TP53BP2: variants seen among roughly 807,000 people sequenced by gnomAD.
The protein encoded by TP53BP2 is apoptosis-stimulating of p53 protein 2.
TP53BP2 carries 62 observed loss-of-function variants against 126.2 expected under a neutral mutation model. The observed-to-expected ratio is 0.49, with a 90% confidence interval of 0.40 to 0.61. TP53BP2 has a LOEUF of 0.61. Among genes scored for constraint, TP53BP2 ranks in the 20% least tolerant of loss-of-function variants. TP53BP2 has a pLI of 0.00. For missense variants in TP53BP2, 1,215 were observed against 1,402.8 expected (o/e 0.87, Z 2.14); for synonymous variants, 485 against 502.9 (o/e 0.96, Z 0.48).
Position 223,814,284 on chromosome 1 carries a change from A to C in TP53BP2, c.245T>G (p.Val82Gly). 1.2e-6 allele frequency: 2 copies of C among 1,613,976 alleles called. No homozygotes were observed. Among genetic ancestry groups the C allele is most frequent in the Non-Finnish European group, 1.7e-6 (2 of 1,179,838 alleles). Residue 82 changes from valine (V) to glycine (G), a missense_variant, in exon 3 of 18, where the codon GTT (valine) becomes GGT (glycine). Physicochemically the swap from Val to Gly is moderately radical, Grantham distance 109. Transcript: ENST00000343537. ...LQRFGSQRNE[V>G]RFFLRHERPP... ...GCGTTCATGACGAAGGAAGAAGCGAACTTCGTTCCTCTGACTTCCAAATCG... is the reference window on the plus strand; with the variant it reads ...GCGTTCATGACGAAGGAAGAAGCGACCTTCGTTCCTCTGACTTCCAAATCG...
intron 15 of TP53BP2, among the ~76,000 whole-genome samples, chr1:223,792,166 A>G (rs1320225989): frequency 6.6e-6 from 1 of 152,182 alleles, no homozygotes; most frequent in Non-Finnish European, 1.5e-5. Context: ...ATTAACTACT[A>G]AACTTTTTAA....
At chr1:223,828,290 G>A (rs1300452013) in intron 1 of TP53BP2, among the ~76,000 whole-genome samples, 1 of 152,084 alleles carries the variant, frequency 6.6e-6, no homozygotes, top group Non-Finnish European at 1.5e-5. Flanking sequence ...CACATCTACA[G>A]GCACAGAAAA....
At chr1:223,792,614 A>G in intron 14 of TP53BP2, 92 bp from the exon 15 acceptor site, 1 of 1,310,858 alleles carries the variant, frequency 7.6e-7, no homozygotes, top group East Asian at 2.3e-5. Context: ...GAGGACAGAA[A>G]TGGACTCTTG....
rs181493815 is a variant in TP53BP2, at chr1:223,790,464, G to A, written c.2997-1290C>T. 5.1e-4 allele frequency among the ~76,000 whole-genome samples: 78 copies of A among 152,038 alleles called. 1 individual carries two copies. The East Asian group carries it at 0.013, about 26-fold the overall frequency. On this transcript the variant is annotated intron_variant, in intron 15 of 17. Coordinates refer to ENST00000343537, the MANE Select transcript of TP53BP2 (RefSeq NM_001031685.3). Reference sequence around the variant, plus strand: ...TCCTAGCTACTTGGGAGGCTGAGACGGGAGGCTGCTTCAGCCCAGAGGGCA... The same window carrying A: ...TCCTAGCTACTTGGGAGGCTGAGACAGGAGGCTGCTTCAGCCCAGAGGGCA...
intron 2 of TP53BP2, among the ~76,000 whole-genome samples, chr1:223,815,963 T>C (rs997449908): frequency 6.6e-6 from 1 of 152,182 alleles, no homozygotes; most frequent in African/African-American, 2.4e-5. Context: ...TCTATGATGT[T>C]CACACAACAA....
chr1:223,806,395 G>C (rs1662718001), intron 5 of TP53BP2, among the ~76,000 whole-genome samples: 2 of 152,168 alleles, frequency 1.3e-5, no homozygotes, highest in Non-Finnish European at 2.9e-5. Context: ...AGAGCACAAA[G>C]AGAGCACCAA....
chr1:223,803,690 T>A (rs1435054865), intron 6 of TP53BP2, among the ~76,000 whole-genome samples: 2 of 152,200 alleles, frequency 1.3e-5, no homozygotes, highest in African/African-American at 4.8e-5. Context: ...ATTATTAAAC[T>A]CCAAATTTTA....
At chr1:223,839,845 G>C (rs1385535759) in intron 1 of TP53BP2, among the ~76,000 whole-genome samples, 1 of 152,130 alleles carries the variant, frequency 6.6e-6, no homozygotes, top group Non-Finnish European at 1.5e-5. Context: ...TGCTGCTAGA[G>C]AATCACTTGA....
rs1439187058 is a variant in TP53BP2 at position 223,845,264 on chromosome 1, G to C, written c.27+390C>G. The stretch of plus-strand genomic sequence containing the variant: ...TTCCAGTAACGTATGTTTCACTCCA[G>C]TAAAAAGTAAAAAGACACAGCAAAG... On this transcript the variant is annotated intron_variant, in intron 1 of 17. Transcript: ENST00000343537. The C allele has an allele frequency of 3.0e-6, 3 of 984,920 alleles. No homozygotes were observed. In the East Asian group the frequency reaches 3.4e-4, roughly 112 times the overall value. 61.0% of individuals were successfully genotyped at this position (984,920 alleles called of 1,614,324 possible).
chr1:223,795,665 A>G, intron 13 of TP53BP2, 150 bp downstream of exon 13: 1 of 627,248 alleles, frequency 1.6e-6, no homozygotes, highest in South Asian at 5.4e-5. Context: ...TATTGAATAA[A>G]CTGCATTATG....
At chr1:223,788,902 A>C (rs1662059578) in intron 16 of TP53BP2, 106 bp downstream of exon 16, 1 of 1,216,074 alleles carries the variant, frequency 8.2e-7, no homozygotes, top group Non-Finnish European at 1.2e-6. Context: ...AAGACTATGG[A>C]TAACACAAGA....
chr1:223,842,261 C>G (rs893367203), intron 1 of TP53BP2, among the ~76,000 whole-genome samples: 1 of 152,180 alleles, frequency 6.6e-6, no homozygotes, highest in African/African-American at 2.4e-5. Flanking sequence ...TTAAAACCAT[C>G]TATATAAGGG....
In TP53BP2 at chr1:223,845,862, C is replaced by A. The variant is rs1269249946; in HGVS notation, c.-182G>T. On this transcript the variant is annotated 5_prime_UTR_variant, in exon 1 of 18. Transcript: ENST00000343537. Reference sequence around the variant, plus strand: ...GGCTGGGGCACCAACAAGCCCCGGGCTCCCCCGCCCCGGCCGGGCCCCCTG... The same window carrying A: ...GGCTGGGGCACCAACAAGCCCCGGGATCCCCCGCCCCGGCCGGGCCCCCTG... 2.7e-6 allele frequency: 1 copy of A among 370,394 alleles called. No homozygotes were observed. The highest frequency in any genetic ancestry group is 4.5e-6 in the Non-Finnish European group (1 of 221,842). The allele number at this position is 370,394 out of a possible 1,614,324, so 22.9% of individuals were successfully genotyped here. A position where few individuals can be genotyped will look rare whatever the true frequency, so the allele number is the denominator to read the frequency against.
intron 5 of TP53BP2, 44 bp downstream of exon 5, chr1:223,806,802 C>G (rs773813230): frequency 4.6e-6 from 7 of 1,517,108 alleles, no homozygotes; most frequent in Non-Finnish European, 6.4e-6. Flanking sequence ...CCAGCCTAGG[C>G]GACAGAGTGA....
At position 223,845,742 on chromosome 1, in the gene TP53BP2, C is replaced by T. The variant is rs1262777356; in HGVS notation, c.-62G>A. 16 of 1,454,112 alleles carry T rather than the reference C, an allele frequency of 1.1e-5. No individual in the cohort carries two copies. Among genetic ancestry groups the T allele is most frequent in the South Asian group, 1.1e-4 (8 of 73,484 alleles). The allele number at this position is 1,454,112 out of a possible 1,614,324, so 90.1% of individuals were successfully genotyped here. ...GAGGTGCCCCGGAGGGTCGCGGATG[C>T]GGGGGAGGGGAGCGGAGAGCGAGGC... is the stretch of plus-strand genomic sequence containing the variant. On this transcript the variant is annotated 5_prime_UTR_variant, in exon 1 of 18. Coordinates refer to ENST00000343537, the MANE Select transcript of TP53BP2 (RefSeq NM_001031685.3).
intron 9 of TP53BP2, 168 bp downstream of exon 9, chr1:223,801,948 G>A (rs1371530057): frequency 1.7e-6 from 1 of 574,596 alleles, no homozygotes; most frequent in Non-Finnish European, 3.0e-6. Context: ...GTACAACCAG[G>A]GTATCAATTT....
chr1:223,795,816 G>A lies in TP53BP2; in HGVS notation c.2723C>T (p.Pro908Leu), dbSNP rs777766664. ...GCTATGAGATAGTACATTACTTACAGGAGGCAGAGAGACCTGCCCGGTGAT... is the reference window on the plus strand; with the variant it reads ...GCTATGAGATAGTACATTACTTACAAGAGGCAGAGAGACCTGCCCGGTGAT... ...PEITGQVSLP[P>L]GKRTNLRKTG... The change falls in exon 13 of 18, where the codon CCT becomes CTT. Residue 908 changes from proline to leucine, a missense_variant and splice_region_variant. Physicochemically the swap from Pro to Leu is moderately conservative, Grantham distance 98 (BLOSUM62 -3). Coordinates refer to ENST00000343537, the MANE Select transcript of TP53BP2 (RefSeq NM_001031685.3). The A allele has an allele frequency of 3.9e-6, 6 of 1,530,278 alleles. No homozygotes were observed. The East Asian group carries it at 9.1e-5, about 23-fold the overall frequency. The allele number at this position is 1,530,278 out of a possible 1,614,324, so 94.8% of individuals were successfully genotyped here.
chr1:223,800,002 C>T lies in TP53BP2; in HGVS notation c.1382G>A (p.Arg461His), dbSNP rs762131208. Residue 461 changes from arginine (R) to histidine (H), a missense_variant, in exon 11 of 18, where the codon CGT becomes CAT. Physicochemically the swap from Arg to His is conservative, Grantham distance 29. Coordinates refer to ENST00000343537, the MANE Select transcript of TP53BP2 (RefSeq NM_001031685.3). ...TACTGCATCAAACATTGAGAACGGA[C>T]GCACTTTCTTCTCTTTCTCCCTCAG... ...VPLREKEKKV[R>H]PFSMFDAVDQ... 5.0e-6 allele frequency: 8 copies of T among 1,612,058 alleles called. No homozygotes were observed. The highest frequency in any genetic ancestry group is 4.5e-5 in the East Asian group (2 of 44,818).
chr1:223,825,054 C>CACACACACACACACACACACACACACACA (rs1553262580), intron 1 of TP53BP2, among the ~76,000 whole-genome samples: 3 of 151,110 alleles, frequency 2.0e-5, no homozygotes, highest in African/African-American at 7.3e-5. Flanking sequence ...CACACACACA[C>CACACACACACACACACACACACACACACA]CCTAGCCCAT....
Sources: gnomAD v4.1 joint callset for allele counts (sites outside exome capture counted in the v4.1 genomes callset) on GRCh38, gnomAD v4.1.1 for gene constraint, MANE v1.5 for transcripts, NCBI Gene and HGNC (gene_info 2026-07-23, HGNC 2026-07-21) for gene names.